PCDHGA9: variants seen among roughly 807,000 people sequenced by gnomAD.
PCDHGA9 encodes protocadherin gamma-A9.
PCDHGA9 carries 37 observed loss-of-function variants against 62.5 expected under a neutral mutation model. The ratio of observed to expected loss-of-function variants is 0.59; its 90% CI spans 0.46 to 0.78. PCDHGA9 has a LOEUF of 0.78. PCDHGA9 is among the 30% of genes least tolerant of loss of function. The pLI is 0.00. For missense variants in PCDHGA9, 1,138 were observed against 1,166.2 expected, an observed-to-expected ratio of 0.98 and a Z score of 0.35; for synonymous variants, 459 against 484.6, an observed-to-expected ratio of 0.95 and a Z score of 0.69.
Position 141,432,483 on chromosome 5 carries a change from T to C in PCDHGA9, c.2424+27107T>C, listed in dbSNP as rs776090923. The C allele has an allele frequency of 6.2e-7, 1 of 1,614,136 alleles. No homozygotes were observed. The highest frequency in any genetic ancestry group is 1.1e-5 in the South Asian group (1 of 91,078). ...CTCCCCACGGACGGTTCCACTGGCG[T>C]GGAGCTGGCTCCCCGCTCCGCAGAG... On this transcript the variant is annotated intron_variant, in intron 1 of 3. Coordinates refer to ENST00000573521, the MANE Select transcript of PCDHGA9 (RefSeq NM_018921.3). The surrounding 1 kb of genome is among the most constrained non-coding windows in gnomAD (Gnocchi z 6.0).
chr5:141,443,308 C>T (rs1484035480), intron 1 of PCDHGA9, among the ~76,000 whole-genome samples: 7 of 136,252 alleles, frequency 5.1e-5, no homozygotes, highest in African/African-American at 2.2e-4. Context: ...TGGCAAAAAC[C>T]CATCTCTACA....
chr5:141,408,769 C>A (rs754783489), intron 1 of PCDHGA9: 3 of 1,611,166 alleles, frequency 1.9e-6, no homozygotes, highest in South Asian at 1.1e-5. Flanking sequence ...CCGATGGTGG[C>A]AAATACCCAG....
chr5:141,433,564 G>A (rs1380905062), intron 1 of PCDHGA9, among the ~76,000 whole-genome samples: 1 of 152,042 alleles, frequency 6.6e-6, no homozygotes, highest in Non-Finnish European at 1.5e-5. Flanking sequence ...GGCTGGGCGC[G>A]GTGGCTCACG....
chr5:141,464,898 C>T (rs969877255), intron 1 of PCDHGA9, among the ~76,000 whole-genome samples: 4 of 151,958 alleles, frequency 2.6e-5, no homozygotes, highest in African/African-American at 4.8e-5. Flanking sequence ...GCCACCATGT[C>T]CAGCTAATTT....
intron 1 of PCDHGA9, chr5:141,419,303 G>A (rs1561779463): frequency 1.2e-6 from 2 of 1,613,970 alleles, no homozygotes; most frequent in Non-Finnish European, 1.7e-6. Flanking sequence ...CCCAGACTTC[G>A]GGCTCAACGG....
chr5:141,405,437 T>A, intron 1 of PCDHGA9, 61 bp downstream of exon 1: 1 of 1,433,230 alleles, frequency 7.0e-7, no homozygotes, highest in Non-Finnish European at 9.6e-7. Context: ...GTTTTGTTTT[T>A]GAGACAGAGT....
chr5:141,437,030 A>G (rs1246601314), intron 1 of PCDHGA9, among the ~76,000 whole-genome samples: 1 of 152,248 alleles, frequency 6.6e-6, no homozygotes, highest in Non-Finnish European at 1.5e-5. Context: ...CAGAAAATGG[A>G]TCACCGAAAC....
At chr5:141,455,438 C>G (rs1350941007) in intron 1 of PCDHGA9, among the ~76,000 whole-genome samples, 1 of 152,082 alleles carries the variant, frequency 6.6e-6, no homozygotes, top group Non-Finnish European at 1.5e-5. Context: ...GAGGAGGTCC[C>G]CATCTACCGC....
intron 1 of PCDHGA9, among the ~76,000 whole-genome samples, chr5:141,450,564 G>A (rs1397334260): frequency 2.0e-5 from 3 of 151,932 alleles, no homozygotes; most frequent in African/African-American, 7.3e-5. Context: ...TCGGCTCACT[G>A]CAACTTCTGC....
intron 1 of PCDHGA9, among the ~76,000 whole-genome samples, chr5:141,446,891 C>T (rs1457416718): frequency 6.6e-6 from 1 of 152,152 alleles, no homozygotes; most frequent in South Asian, 2.1e-4. Context: ...GGGTTCATGG[C>T]TGAGCTACTT....
rs773763605 is a variant in PCDHGA9, at chr5:141,476,631, A to G, written c.2425-18176A>G. On this transcript the variant is annotated intron_variant, in intron 1 of 3. Transcript: ENST00000573521. The surrounding 1 kb of genome is among the most constrained non-coding windows in gnomAD (Gnocchi z 7.6). ...GTGGGAAGCAACTCTTTACAAACCT[A>G]TGAGCTGAGCCGAAATGAATACTTT... The G allele has an allele frequency of 2.5e-6, 4 of 1,614,224 alleles. No individual in the cohort carries two copies. Among genetic ancestry groups the G allele is most frequent in the Admixed American group, 1.7e-5 (1 of 60,032 alleles).
Position 141,491,910 on chromosome 5 carries a change from G to A in PCDHGA9, c.2425-2897G>A, listed in dbSNP as rs946745903. 1.4e-5 allele frequency: 19 copies of A among 1,406,944 alleles called. No individual in the cohort carries two copies. The South Asian group carries it at 2.6e-4, about 19-fold the overall frequency. 87.2% of individuals were successfully genotyped at this position (1,406,944 alleles called of 1,614,324 possible). On this transcript the variant is annotated intron_variant, in intron 1 of 3. Transcript: ENST00000573521. This position sits in a 1 kb window ranked among gnomAD's most constrained non-coding sequence, Gnocchi z 6.9. ...GGCTCCGAGCACCGGGGGTGGTGGCGACTGTGGGCGAGGGGAGGTGGGACC... is the reference window on the plus strand; with the variant it reads ...GGCTCCGAGCACCGGGGGTGGTGGCAACTGTGGGCGAGGGGAGGTGGGACC...
At chr5:141,406,267 G>A (rs2094786630) in intron 1 of PCDHGA9, among the ~76,000 whole-genome samples, 1 of 151,854 alleles carries the variant, frequency 6.6e-6, no homozygotes, top group African/African-American at 2.4e-5. Context: ...CGATCTTCCT[G>A]CTTCAGTTTC....
In PCDHGA9 at chr5:141,491,552, G is replaced by A. The variant is rs769927075; in HGVS notation, c.2425-3255G>A. 1 of 1,614,008 alleles carries A rather than the reference G, an allele frequency of 6.2e-7. No individual in the cohort carries two copies. The highest frequency in any genetic ancestry group is 1.7e-5 in the Admixed American group (1 of 60,024). On this transcript the variant is annotated intron_variant, in intron 1 of 3. Coordinates refer to ENST00000573521, the MANE Select transcript of PCDHGA9 (RefSeq NM_018921.3). This position sits in a 1 kb window ranked among gnomAD's most constrained non-coding sequence, Gnocchi z 6.9. Reference sequence around the variant, plus strand: ...ACGCTGCGGCCCACAGACTCGCAGAGCCACTGCTACAGGACGTGCTTTTCA... The same window carrying A: ...ACGCTGCGGCCCACAGACTCGCAGAACCACTGCTACAGGACGTGCTTTTCA...
rs141959335 is a variant in PCDHGA9, at chr5:141,491,261, T to C, written c.2425-3546T>C. On this transcript the variant is annotated intron_variant, in intron 1 of 3. Transcript: ENST00000573521. This position sits in a 1 kb window ranked among gnomAD's most constrained non-coding sequence, Gnocchi z 6.9. Reference sequence around the variant, plus strand: ...CTGGAGGATGAGGACCCTGAGGAAATGCCCAAATCCAGTGACTTCCTCATA... The same window carrying C: ...CTGGAGGATGAGGACCCTGAGGAAACGCCCAAATCCAGTGACTTCCTCATA... 104 of 1,614,044 alleles carry C rather than the reference T, an allele frequency of 6.4e-5. No individual in the cohort carries two copies. Among genetic ancestry groups the C allele is most frequent in the Non-Finnish European group, 8.1e-5 (95 of 1,180,028 alleles).
rs763166170 is a variant in PCDHGA9, at chr5:141,404,176, A to G, written c.1224A>G (p.Gln408=). ...ATTATTACAGATTGTTGACGGCCCA[A>G]ATTCTTGACCGAGAAAAAGCCTCAG... The part of the protein sequence containing the change: ...EEDYYRLLTA[Q]ILDREKASEY... The change falls in exon 1 of 4, where the codon CAA becomes CAG. Residue 408 remains glutamine, a synonymous_variant. Coordinates refer to ENST00000573521, the MANE Select transcript of PCDHGA9 (RefSeq NM_018921.3). 12 of 1,613,206 alleles carry G rather than the reference A, an allele frequency of 7.4e-6. No individual in the cohort carries two copies. Among genetic ancestry groups the G allele is most frequent in the South Asian group, 2.2e-5 (2 of 90,980 alleles).
rs373850794 is a variant in PCDHGA9, at chr5:141,404,976, T to G, written c.2024T>G (p.Leu675Arg). The change falls in exon 1 of 4, where the codon CTG (leucine) becomes CGG (arginine). Residue 675 changes from leucine (L) to arginine (R), a missense_variant. Leu to Arg is a moderately radical substitution (Grantham distance 102, BLOSUM62 -2). Transcript: ENST00000573521. ...AGCATCCCAGACATCCTGGCTGACC[T>G]GGGCAGTCTTCAGATCCCTGCAGAC... Reference protein sequence around the residue: ...ADSIPDILADLGSLQIPADLE... With the variant: ...ADSIPDILADRGSLQIPADLE... The G allele has an allele frequency of 4.3e-6, 7 of 1,614,002 alleles. No homozygotes were observed. The highest frequency in any genetic ancestry group is 5.9e-6 in the Non-Finnish European group (7 of 1,179,880).
chr5:141,473,699 C>T (rs560096812), intron 1 of PCDHGA9, among the ~76,000 whole-genome samples: 2 of 152,244 alleles, frequency 1.3e-5, no homozygotes, highest in South Asian at 2.1e-4. Flanking sequence ...TGACCACCCT[C>T]CAAGTGGTGC....
intron 1 of PCDHGA9, chr5:141,419,815 A>T: frequency 6.2e-7 from 1 of 1,613,988 alleles, no homozygotes. Context: ...GAGGACAGCC[A>T]CCCCTTTCAG....
Sources: allele counts gnomAD v4.1 joint callset (sites outside exome capture counted in the v4.1 genomes callset), GRCh38; gene constraint gnomAD v4.1.1; non-coding constraint Gnocchi (gnomAD v3.1); transcripts MANE v1.5; gene names NCBI Gene and HGNC (gene_info 2026-07-23, HGNC 2026-07-21).